The following EYA4 variants were observed in gnomAD, a reference collection of about 807,000 sequenced individuals.
EYA4 encodes the protein protein phosphatase EYA4.
EYA4 carries 31 observed loss-of-function variants against 87.9 expected under a neutral mutation model. The observed-to-expected ratio is 0.35, with a 90% CI of 0.27 to 0.48. EYA4 has a LOEUF of 0.48. Ranked by LOEUF, EYA4 falls within the 20% of genes least tolerant of loss-of-function variation. The pLI, the probability that EYA4 is intolerant of heterozygous loss-of-function variation, is 0.99. For missense variants in EYA4, 678 were observed against 761.4 expected, an observed-to-expected ratio of 0.89 and a Z score of 1.29; for synonymous variants, 263 against 270.6, an observed-to-expected ratio of 0.97 and a Z score of 0.28.
Position 133,446,738 on chromosome 6 carries a change from T to A in EYA4, c.192T>A (p.Thr64=). 6.2e-7 allele frequency: 1 copy of A among 1,614,022 alleles called. No individual in the cohort carries two copies. Among genetic ancestry groups the A allele is most frequent in the Non-Finnish European group, 8.5e-7 (1 of 1,179,950 alleles). Reference sequence around the variant, plus strand: ...CTAATCTCAGCAGCACATCAGTTACTACAAATGGGACAGGAGGTAAGTGTA... The same window carrying A: ...CTAATCTCAGCAGCACATCAGTTACAACAAATGGGACAGGAGGTAAGTGTA... The part of the protein sequence containing the change: ...EKSNLSSTSV[T]TNGTGGENMT... Residue 64 remains threonine (T), a synonymous_variant, in exon 4 of 20, where the codon ACT becomes ACA. Coordinates refer to ENST00000355286, the MANE Select transcript of EYA4 (RefSeq NM_004100.5).
At chr6:133,374,108 A>G (rs1562345126) in intron 2 of EYA4, among the ~76,000 whole-genome samples, 1 of 152,122 alleles carries the variant, frequency 6.6e-6, no homozygotes. Context: ...GGCATTTTAA[A>G]GGTTAATGTG....
chr6:133,298,551 ATAGAGG>A (rs1779119389), intron 2 of EYA4, among the ~76,000 whole-genome samples: 2 of 152,216 alleles, frequency 1.3e-5, no homozygotes, highest in Non-Finnish European at 2.9e-5. Flanking sequence ...CAATTATAGC[ATAGAGG>A]TAAACAATCC....
chr6:133,530,920 C>T lies in EYA4; in HGVS notation c.*2115C>T. 4 of 1,128,138 alleles carry T rather than the reference C, an allele frequency of 3.5e-6. No individual in the cohort carries two copies. Among genetic ancestry groups the T allele is most frequent in the Non-Finnish European group, 4.3e-6 (4 of 921,550 alleles). The allele number at this position is 1,128,138 out of a possible 1,614,324, so 69.9% of individuals were successfully genotyped here. On this transcript the variant is annotated 3_prime_UTR_variant, in exon 20 of 20. Coordinates refer to ENST00000355286, the MANE Select transcript of EYA4 (RefSeq NM_004100.5). Reference sequence around the variant, plus strand: ...GCAGTTAAAAAAATTTAAATGTTGCCTTGATTATCAGTACTTAATTATGTT... The same window carrying T: ...GCAGTTAAAAAAATTTAAATGTTGCTTTGATTATCAGTACTTAATTATGTT...
intron 2 of EYA4, among the ~76,000 whole-genome samples, chr6:133,287,937 T>C (rs946675611): frequency 1.3e-5 from 2 of 152,112 alleles, no homozygotes; most frequent in African/African-American, 2.4e-5. Context: ...GTGACCAGCC[T>C]GGCCAACATG....
At chr6:133,331,039 T>C (rs1196753984) in intron 2 of EYA4, among the ~76,000 whole-genome samples, 2 of 150,952 alleles carry the variant, frequency 1.3e-5, no homozygotes. Context: ...TTTTTTTTTT[T>C]TTTTTTTTTG....
intron 17 of EYA4, among the ~76,000 whole-genome samples, chr6:133,521,923 C>T (rs1352271691): frequency 7.2e-6 from 1 of 138,110 alleles, no homozygotes; most frequent in Non-Finnish European, 1.5e-5. Context: ...AATGAGATCA[C>T]ATGGACACAG....
intron 3 of EYA4, among the ~76,000 whole-genome samples, chr6:133,385,596 A>G (rs937721552): frequency 1.3e-5 from 2 of 152,140 alleles, no homozygotes; most frequent in Non-Finnish European, 2.9e-5. Context: ...ATGCTGCCTC[A>G]CTTGGAACCT....
At chr6:133,408,536 T>A (rs1788932963) in intron 3 of EYA4, among the ~76,000 whole-genome samples, 1 of 152,246 alleles carries the variant, frequency 6.6e-6, no homozygotes, top group Admixed American at 6.5e-5. Context: ...GTAGAGGATG[T>A]AGATTCTCGA....
intron 13 of EYA4, among the ~76,000 whole-genome samples, chr6:133,492,549 A>G (rs1156593520): frequency 6.6e-6 from 1 of 152,234 alleles, no homozygotes; most frequent in Non-Finnish European, 1.5e-5. Flanking sequence ...CTGGAGCAGA[A>G]CAAAGATGCC....
intron 2 of EYA4, among the ~76,000 whole-genome samples, chr6:133,308,918 T>C (rs1780011116): frequency 6.6e-6 from 1 of 151,400 alleles, no homozygotes; most frequent in Non-Finnish European, 1.5e-5. Flanking sequence ...GTTTAATATA[T>C]AACTTAAAAA....
intron 3 of EYA4, among the ~76,000 whole-genome samples, chr6:133,391,066 G>A (rs1345033592): frequency 6.6e-6 from 1 of 152,162 alleles, no homozygotes. Flanking sequence ...AATAGTAGAT[G>A]AGATTAGAAA....
rs759121860 is a variant in EYA4 at position 133,481,537 on chromosome 6, T to A, written c.1045T>A (p.Ser349Thr). 6.2e-7 allele frequency: 1 copy of A among 1,613,860 alleles called. No individual in the cohort carries two copies. Among genetic ancestry groups the A allele is most frequent in the Non-Finnish European group, 8.5e-7 (1 of 1,179,928 alleles). Residue 349 changes from serine to threonine, a missense_variant, in exon 12 of 20, where the codon TCA becomes ACA. Ser to Thr is a moderately conservative substitution (Grantham distance 58). Transcript: ENST00000355286. ...TGAGAGAACCTGTAGGAGTTCTGGG[T>A]CAAAGTCCAGAGGAAGAGGCCGGAA... ...LDERTCRSSG[S>T]KSRGRGRKNN... is the part of the protein sequence containing the mutation.
intron 2 of EYA4, among the ~76,000 whole-genome samples, chr6:133,377,650 C>T (rs571903196): frequency 3.3e-3 from 318 of 95,110 alleles, no homozygotes; most frequent in African/African-American, 9.4e-3. Context: ...TTCAAAACTA[C>T]TATTTATTTT....
intron 17 of EYA4, among the ~76,000 whole-genome samples, chr6:133,516,061 A>C (rs1244067543): frequency 6.6e-6 from 1 of 151,740 alleles, no homozygotes; most frequent in African/African-American, 2.4e-5. Flanking sequence ...AAAGTGATGT[A>C]AGTAAGTCTG....
chr6:133,401,403 A>G (rs986402239), intron 3 of EYA4, among the ~76,000 whole-genome samples: 1 of 152,118 alleles, frequency 6.6e-6, no homozygotes, highest in African/African-American at 2.4e-5. Context: ...GAATAATTGG[A>G]ATGTTCCTAG....
intron 13 of EYA4, among the ~76,000 whole-genome samples, chr6:133,486,693 G>A (rs1796714911): frequency 1.3e-5 from 2 of 152,204 alleles, no homozygotes; most frequent in African/African-American, 4.8e-5. Context: ...AATTAAGAGA[G>A]TGGGAGAATT....
At chr6:133,497,729 G>A (rs1007224152) in intron 13 of EYA4, among the ~76,000 whole-genome samples, 2 of 152,170 alleles carry the variant, frequency 1.3e-5, no homozygotes, top group African/African-American at 2.4e-5. Context: ...GGAGGGTGAA[G>A]AAAGCTATAT....
rs1284047392 is a variant in EYA4, at chr6:133,330,549, T to TTATA, written c.34-51826_34-51823dup. Among the ~76,000 whole-genome samples the TTATA allele has an allele frequency of 3.2e-3, 428 of 134,754 alleles. 1 individual carries two copies. Among genetic ancestry groups the TTATA allele is most frequent in the Non-Finnish European group, 4.0e-3 (258 of 64,492 alleles). The allele number at this position is 134,754 out of a possible 152,430, so 88.4% of individuals were successfully genotyped here. ...CAAAACTACAATTTTATACTGAGAT[T>TTATA]TATATATATATATATATATACACAC... is the stretch of plus-strand genomic sequence containing the variant. On this transcript the variant is annotated intron_variant, in intron 2 of 19. Coordinates refer to ENST00000355286, the MANE Select transcript of EYA4 (RefSeq NM_004100.5).
chr6:133,270,227 T>C (rs182900766), intron 1 of EYA4, among the ~76,000 whole-genome samples: 19 of 152,300 alleles, frequency 1.2e-4, no homozygotes, highest in Admixed American at 1.2e-3. Flanking sequence ...CCACCCCTTG[T>C]CAACTTGAAC....
Sources: gnomAD v4.1 joint callset for allele counts (sites outside exome capture counted in the v4.1 genomes callset) on GRCh38, gnomAD v4.1.1 for gene constraint, MANE v1.5 for transcripts, NCBI Gene and HGNC (gene_info 2026-07-23, HGNC 2026-07-21) for gene names.